The following RBFOX2 variants were observed in gnomAD, a reference collection of about 807,000 sequenced individuals.
RBFOX2 encodes RNA binding fox-1 homolog 2, also known as RNA binding protein fox-1 homolog 2.
A neutral mutation model predicts 49.1 loss-of-function variants in RBFOX2; 10 were observed. The observed-to-expected ratio is 0.20, with a 90% confidence interval of 0.13 to 0.35. The LOEUF is 0.35. RBFOX2 is among the 10% of genes least tolerant of loss of function. The pLI is 1.00. For missense variants in RBFOX2, 323 were observed against 486.9 expected (o/e 0.66, Z 3.17); for synonymous variants, 183 against 187.4 (o/e 0.98, Z 0.19).
chr22:35,813,860 A>G (rs1192115922), intron 1 of RBFOX2, among the ~76,000 whole-genome samples: 3 of 152,250 alleles, frequency 2.0e-5, no homozygotes, highest in Non-Finnish European at 2.9e-5. Context: ...ACAGAGTGAA[A>G]CAAGTGTTGG....
At chr22:35,881,216 G>A (rs187009186) in intron 1 of RBFOX2, among the ~76,000 whole-genome samples, 7 of 151,888 alleles carry the variant, frequency 4.6e-5, no homozygotes, top group African/African-American at 1.7e-4. Context: ...GTGAGCCGAC[G>A]ATCGCGCCAC....
At chr22:35,745,946 C>T (rs1569206979) in exon 11 of RBFOX2, 2 of 1,613,872 alleles carry the variant, frequency 1.2e-6, no homozygotes, top group East Asian at 4.5e-5. Flanking sequence ...CCATAGCTAG[C>T]GGCAGGGGCA....
Position 35,953,974 on chromosome 22 carries a change from A to T in RBFOX2, c.42+7589T>A, listed in dbSNP as rs140432380. On this transcript the variant is annotated intron_variant, in intron 1 of 5. Transcript: ENST00000408983. ...TAAGTAGATATTTGCCTATTTCCCT[A>T]AACGCTTAATAGGTTAGCCCTTCCT... is the stretch of plus-strand genomic sequence containing the variant. 1.8e-4 allele frequency among the ~76,000 whole-genome samples: 28 copies of T among 152,318 alleles called. No individual in the cohort carries two copies. In the East Asian group the frequency reaches 5.2e-3, roughly 28 times the overall value.
rs185228858 is a variant in RBFOX2 at position 35,852,063 on chromosome 22, A to T, written c.-33-42059T>A. ...AAACAAAATATTTGTGAAAAGCAATAAAAAAAACCCAATACTGTATAATAA... is the reference window on the plus strand; with the variant it reads ...AAACAAAATATTTGTGAAAAGCAATTAAAAAAACCCAATACTGTATAATAA... On this transcript the variant is annotated intron_variant, in intron 1 of 13. Coordinates refer to the RBFOX2 transcript ENST00000359369. Among the ~76,000 whole-genome samples, 14 of 97,284 alleles carry T rather than the reference A, an allele frequency of 1.4e-4. No individual in the cohort carries two copies. The East Asian group carries it at 2.5e-3, about 17-fold the overall frequency. The allele number at this position is 97,284 out of a possible 152,430, so 63.8% of individuals were successfully genotyped here.
At chr22:35,822,029 T>A (rs887677679) in intron 1 of RBFOX2, 4 of 505,340 alleles carry the variant, frequency 7.9e-6, no homozygotes, top group Admixed American at 4.1e-5. Flanking sequence ...CAAGGCCTAT[T>A]ACAAAGAGAG....
At chr22:35,847,655 G>GT (rs977793704) in intron 1 of RBFOX2, among the ~76,000 whole-genome samples, 53 of 150,886 alleles carry the variant, frequency 3.5e-4, no homozygotes, top group South Asian at 1.1e-3. Flanking sequence ...ATTTAAAATT[G>GT]TTTTTTTTTA....
intron 1 of RBFOX2, among the ~76,000 whole-genome samples, chr22:35,874,623 T>C (rs922942846): frequency 1.3e-5 from 2 of 152,214 alleles, no homozygotes; most frequent in Non-Finnish European, 2.9e-5. Context: ...TAAGCTGGAA[T>C]GCATCATAGC....
chr22:36,026,992 G>T (rs1475968569), intron 1 of RBFOX2, among the ~76,000 whole-genome samples: 1 of 152,164 alleles, frequency 6.6e-6, no homozygotes, highest in African/African-American at 2.4e-5. Flanking sequence ...CACAGGAATA[G>T]GAATTAGAAG....
intron 2 of RBFOX2, among the ~76,000 whole-genome samples, chr22:35,789,898 G>A (rs909607529): frequency 1.3e-5 from 2 of 152,138 alleles, no homozygotes; most frequent in Non-Finnish European, 2.9e-5. Flanking sequence ...GTGGCAGGTA[G>A]CTAAAAAATT....
At chr22:35,845,402 A>C (rs1292538482), upstream of RBFOX2, among the ~76,000 whole-genome samples, 1 of 152,158 alleles carries the variant, frequency 6.6e-6, no homozygotes, top group African/African-American at 2.4e-5. Flanking sequence ...CATTCAAAAA[A>C]AAAAAAAAGT....
chr22:35,806,722 G>A (rs1233211672), intron 2 of RBFOX2, among the ~76,000 whole-genome samples: 1 of 152,176 alleles, frequency 6.6e-6, no homozygotes, highest in Non-Finnish European at 1.5e-5. Context: ...ATTACATTAA[G>A]ATGCAAATTG....
At chr22:36,027,979 AT>A (rs1432949749) in intron 1 of RBFOX2, among the ~76,000 whole-genome samples, 1 of 151,830 alleles carries the variant, frequency 6.6e-6, no homozygotes, top group African/African-American at 2.4e-5. Flanking sequence ...ACCTTGTTCG[AT>A]TTCCCCCCAA....
At chr22:35,889,902 T>C (rs2047043195) in intron 1 of RBFOX2, among the ~76,000 whole-genome samples, 1 of 152,156 alleles carries the variant, frequency 6.6e-6, no homozygotes, top group South Asian at 2.1e-4. Flanking sequence ...CAAAAGAACT[T>C]CCAGAAACTT....
chr22:35,780,252 C>G (rs1944835894), intron 3 of RBFOX2, among the ~76,000 whole-genome samples: 1 of 151,884 alleles, frequency 6.6e-6, no homozygotes, highest in Admixed American at 6.6e-5. Context: ...AGAATTTTGC[C>G]CCAGTGTCTT....
exon 1 of RBFOX2, chr22:35,961,597 G>A: frequency 7.7e-7 from 1 of 1,304,024 alleles, no homozygotes; most frequent in South Asian, 1.2e-5. Flanking sequence ...CATGGAATCT[G>A]ATGACATCAC....
chr22:35,981,246 T>G (rs747688862), intron 1 of RBFOX2, among the ~76,000 whole-genome samples: 1 of 152,184 alleles, frequency 6.6e-6, no homozygotes, highest in Non-Finnish European at 1.5e-5. Context: ...TTCTGTTCTA[T>G]TTCCCTCAGA....
At chr22:35,840,895 G>A (rs1416061960), upstream of RBFOX2, among the ~76,000 whole-genome samples, 2 of 152,194 alleles carry the variant, frequency 1.3e-5, no homozygotes, top group East Asian at 3.8e-4. Context: ...CAAGAAAGAT[G>A]TGAAGAAGTG....
At chr22:35,925,756 A>C (rs1347049955) in intron 1 of RBFOX2, among the ~76,000 whole-genome samples, 2 of 152,226 alleles carry the variant, frequency 1.3e-5, no homozygotes, top group Non-Finnish European at 2.9e-5. Flanking sequence ...TGAACAGAGT[A>C]CCTTACACAA....
At chr22:35,828,021 C>T (rs1956101213) in intron 1 of RBFOX2, among the ~76,000 whole-genome samples, 1 of 152,048 alleles carries the variant, frequency 6.6e-6, no homozygotes, top group Admixed American at 6.6e-5. Flanking sequence ...ATTAGCAGGG[C>T]ATAATGGCAC....
Sources: gnomAD v4.1 joint callset for allele counts (sites outside exome capture counted in the v4.1 genomes callset) on GRCh38, gnomAD v4.1.1 for gene constraint, MANE v1.5 for transcripts, NCBI Gene and HGNC (gene_info 2026-07-23, HGNC 2026-07-21) for gene names.